Variants in PAFAH2 observed in about 807,000 individuals in gnomAD.
PAFAH2 encodes the protein platelet-activating factor acetylhydrolase 2, cytoplasmic.
A neutral mutation model predicts 49.0 loss-of-function variants in PAFAH2; 42 were observed. The ratio of observed to expected loss-of-function variants is 0.86; its 90% CI spans 0.67 to 1.11. The LOEUF is 1.11. PAFAH2 is among the 50% of genes least tolerant of loss of function. The pLI is 0.00. For missense variants in PAFAH2, 503 were observed against 501.8 expected (o/e 1.00, Z -0.02); for synonymous variants, 184 against 181.3 (o/e 1.01, Z -0.12).
At chr1:25,977,569 C>T (rs1265617647) in intron 7 of PAFAH2, among the ~76,000 whole-genome samples, 3 of 150,008 alleles carry the variant, frequency 2.0e-5, no homozygotes, top group Admixed American at 6.7e-5. Flanking sequence ...GTGAGAGGAT[C>T]GCTTGAGCTC....
At chr1:25,965,219 G>T (rs1466303138) in intron 10 of PAFAH2, among the ~76,000 whole-genome samples, 1 of 152,070 alleles carries the variant, frequency 6.6e-6, no homozygotes, top group African/African-American at 2.4e-5. Context: ...ATATGAAGAA[G>T]AATGAAACAG....
Position 25,962,031 on chromosome 1 carries a change from C to T in PAFAH2, c.1137G>A (p.Pro379=), listed in dbSNP as rs780170272. The T allele has an allele frequency of 8.1e-5, 130 of 1,613,742 alleles. 1 individual carries two copies. Among genetic ancestry groups the T allele is most frequent in the South Asian group, 2.6e-4 (24 of 91,044 alleles). ...QWNNLIEGIG[P]SLTPGAPHHL... is the part of the protein sequence containing the mutation. ...GGTGGGGGGCCCCTGGGGTGAGCGA[C>T]GGTCCAATGCCTTCAATAAGGTTGT... The change falls in exon 11 of 11, where the codon CCG becomes CCA. Residue 379 remains proline (P), a synonymous_variant. Coordinates refer to ENST00000374282, the MANE Select transcript of PAFAH2 (RefSeq NM_000437.4).
chr1:25,967,747 C>T lies in PAFAH2; in HGVS notation c.1084+4811G>A, dbSNP rs142290437. Reference sequence around the variant, plus strand: ...AAAGCAGACATTCTTTTGAGTTTTGCTGTGATGGGGAACAGGGAGATGGGT... The same window carrying T: ...AAAGCAGACATTCTTTTGAGTTTTGTTGTGATGGGGAACAGGGAGATGGGT... On this transcript the variant is annotated intron_variant, in intron 10 of 10. Coordinates refer to ENST00000374282, the MANE Select transcript of PAFAH2 (RefSeq NM_000437.4). Among the ~76,000 whole-genome samples, 134 of 152,202 alleles carry T rather than the reference C, an allele frequency of 8.8e-4. No homozygotes were observed. The East Asian group carries it at 0.025, about 28-fold the overall frequency.
intron 6 of PAFAH2, 104 bp downstream of exon 6, chr1:25,983,842 A>G: frequency 7.8e-7 from 1 of 1,280,800 alleles, no homozygotes. Context: ...CAGACCCACT[A>G]TGACTGACAT....
intron 7 of PAFAH2, 89 bp downstream of exon 7, chr1:25,982,275 T>C: frequency 1.1e-6 from 1 of 919,254 alleles, no homozygotes; most frequent in Non-Finnish European, 1.8e-6. Context: ...AATTCTCTTT[T>C]GGTTCATACC....
intron 10 of PAFAH2, among the ~76,000 whole-genome samples, chr1:25,963,653 A>G (rs1242752988): frequency 6.6e-6 from 1 of 152,116 alleles, no homozygotes; most frequent in Non-Finnish European, 1.5e-5. Flanking sequence ...ACAGGCATGC[A>G]CCACCACACC....
intron 9 of PAFAH2, 103 bp from the exon 10 acceptor site, chr1:25,972,815 CT>C: frequency 8.6e-7 from 1 of 1,160,866 alleles, no homozygotes; most frequent in Non-Finnish European, 1.3e-6. Flanking sequence ...TATTATCACA[CT>C]TTATTTTCAC....
intron 10 of PAFAH2, among the ~76,000 whole-genome samples, chr1:25,967,071 G>T (rs974423527): frequency 6.6e-6 from 1 of 151,618 alleles, no homozygotes; most frequent in African/African-American, 2.4e-5. Flanking sequence ...AGAGGGACTG[G>T]CAAGGGTGGT....
Position 25,966,660 on chromosome 1 carries a change from CTACTGGA to C in PAFAH2, c.1085-4584_1085-4578del, listed in dbSNP as rs1557512150. ...AGAGGGGTGAGGGCTGAAAAATTAC[CTACTGGA>C]TACAATGTTCACTATTCGGGTGATG... On this transcript the variant is annotated intron_variant, in intron 10 of 10. Coordinates refer to ENST00000374282, the MANE Select transcript of PAFAH2 (RefSeq NM_000437.4). Among the ~76,000 whole-genome samples the C allele has an allele frequency of 2.0e-5, 3 of 152,106 alleles. No individual in the cohort carries two copies. The East Asian group carries it at 5.8e-4, about 29-fold the overall frequency.
chr1:25,989,027 G>A (rs1001948210), intron 3 of PAFAH2, among the ~76,000 whole-genome samples: 1 of 152,038 alleles, frequency 6.6e-6, no homozygotes, highest in African/African-American at 2.4e-5. Flanking sequence ...TGACAGTTAA[G>A]AATCTTTCTT....
At position 25,976,665 on chromosome 1, in the gene PAFAH2, A is replaced by G; in HGVS notation, c.758+17T>C. The G allele has an allele frequency of 6.3e-7, 1 of 1,586,204 alleles. No individual in the cohort carries two copies. The highest frequency in any genetic ancestry group is 8.7e-7 in the Non-Finnish European group (1 of 1,154,408). ...GGTGTATGGAGCTAAGCACAGCAAC[A>G]CTACTAGGAAACTCACCGAAATTGG... On this transcript the variant is annotated intron_variant, in intron 8 of 10. Coordinates refer to ENST00000374282, the MANE Select transcript of PAFAH2 (RefSeq NM_000437.4).
rs534597129 is a variant in PAFAH2 at position 25,960,253 on chromosome 1, G to A, written c.*1736C>T. 4 of 152,604 alleles carry A rather than the reference G, an allele frequency of 2.6e-5. No homozygotes were observed. Among genetic ancestry groups the A allele is most frequent in the African/African-American group, 9.6e-5 (4 of 41,574 alleles). 9.5% of individuals were successfully genotyped at this position (152,604 alleles called of 1,614,324 possible). On this transcript the variant is annotated 3_prime_UTR_variant, in exon 11 of 11. Coordinates refer to ENST00000374282, the MANE Select transcript of PAFAH2 (RefSeq NM_000437.4). ...TTAGAATGGCCAGTCACTGACAGGT[G>A]GAGATCTAGGCCCAGCTTGCTCTGG...
intron 10 of PAFAH2, among the ~76,000 whole-genome samples, chr1:25,967,652 A>G (rs1448420705): frequency 1.3e-5 from 2 of 152,186 alleles, no homozygotes; most frequent in Non-Finnish European, 2.9e-5. Flanking sequence ...AGCGGTTTTG[A>G]TGGAGTACTG....
chr1:25,977,591 G>A (rs1445439484), intron 7 of PAFAH2, among the ~76,000 whole-genome samples: 1 of 150,316 alleles, frequency 6.7e-6, no homozygotes, highest in Non-Finnish European at 1.5e-5. Context: ...GGAGGTTGAG[G>A]CTGCAGTGAG....
At chr1:25,965,203 A>G (rs942930995) in intron 10 of PAFAH2, among the ~76,000 whole-genome samples, 2 of 152,214 alleles carry the variant, frequency 1.3e-5, no homozygotes, top group African/African-American at 4.8e-5. Context: ...GAAAAATTGG[A>G]TAGCCATATG....
intron 9 of PAFAH2, among the ~76,000 whole-genome samples, chr1:25,973,403 T>C (rs1427824945): frequency 2.0e-5 from 3 of 152,150 alleles, no homozygotes; most frequent in Non-Finnish European, 4.4e-5. Flanking sequence ...ACAGAAAAAC[T>C]GACTTTAAAA....
At chr1:25,968,732 CT>C (rs1354606406) in intron 10 of PAFAH2, among the ~76,000 whole-genome samples, 1 of 152,078 alleles carries the variant, frequency 6.6e-6, no homozygotes, top group East Asian at 1.9e-4. Flanking sequence ...CAGCCTTGGC[CT>C]TTTTCTTTTC....
chr1:25,996,952 C>A (rs970485509), intron 1 of PAFAH2, among the ~76,000 whole-genome samples: 1 of 152,230 alleles, frequency 6.6e-6, no homozygotes, highest in African/African-American at 2.4e-5. Context: ...TTCCCAGCAG[C>A]CTTTTCAGGC....
chr1:25,971,796 G>C (rs1391885196), intron 10 of PAFAH2, among the ~76,000 whole-genome samples: 4 of 152,158 alleles, frequency 2.6e-5, no homozygotes, highest in African/African-American at 9.7e-5. Flanking sequence ...ACCTCTGCAG[G>C]CCTCGCCCTT....
Sources: allele counts gnomAD v4.1 joint callset (sites outside exome capture counted in the v4.1 genomes callset), GRCh38; gene constraint gnomAD v4.1.1; transcripts MANE v1.5; gene names NCBI Gene and HGNC (gene_info 2026-07-23, HGNC 2026-07-21).